WWOX: variants seen among roughly 807,000 people sequenced by gnomAD.
The protein encoded by WWOX is WW domain-containing oxidoreductase.
In WWOX, 69 loss-of-function variants were observed where a neutral mutation model predicts 46.2. The ratio of observed to expected loss-of-function variants is 1.49; its 90% CI spans 1.23 to 1.82. WWOX has a LOEUF of 1.82. Ranked by LOEUF, WWOX falls within the 40% of genes most tolerant of loss-of-function variation. The pLI, the probability that WWOX is intolerant of heterozygous loss-of-function variation, is 0.00. For missense variants in WWOX, 919 were observed against 542.6 expected (o/e 1.69, Z -6.89); for synonymous variants, 359 against 202.6 (o/e 1.77, Z -6.56).
At position 78,493,302 on chromosome 16, in the gene WWOX, G is replaced by A. The variant is rs184090473; in HGVS notation, c.1056+60550G>A. On this transcript the variant is annotated intron_variant, in intron 8 of 8. Coordinates refer to ENST00000566780, the MANE Select transcript of WWOX (RefSeq NM_016373.4). ...TAAGAATCTTTATTTAAGACAGGTG[G>A]CTAGCATTATTTGGGTCCAGAAGCT... is the stretch of plus-strand genomic sequence containing the variant. 1.6e-3 allele frequency among the ~76,000 whole-genome samples: 246 copies of A among 152,272 alleles called. 1 individual carries two copies. The highest frequency in any genetic ancestry group is 0.01 in the Admixed American group (155 of 15,298).
chr16:78,950,992 C>T (rs532124644), intron 8 of WWOX, among the ~76,000 whole-genome samples: 2 of 152,320 alleles, frequency 1.3e-5, no homozygotes, highest in Non-Finnish European at 2.9e-5. Context: ...TCTCTTAATT[C>T]ACCACCCTGT....
At chr16:78,872,060 T>C (rs369864910) in intron 8 of WWOX, among the ~76,000 whole-genome samples, 1 of 152,234 alleles carries the variant, frequency 6.6e-6, no homozygotes, top group African/African-American at 2.4e-5. Context: ...TCAACCCTTC[T>C]AACCAGTGTT....
At chr16:78,242,841 C>T (rs765953774) in intron 5 of WWOX, among the ~76,000 whole-genome samples, 1 of 152,138 alleles carries the variant, frequency 6.6e-6, no homozygotes, top group African/African-American at 2.4e-5. Flanking sequence ...AACCCTATCT[C>T]TACTAAAAAT....
At chr16:78,988,865 G>A (rs1023286986) in intron 8 of WWOX, among the ~76,000 whole-genome samples, 3 of 152,146 alleles carry the variant, frequency 2.0e-5, no homozygotes, top group Non-Finnish European at 2.9e-5. Flanking sequence ...AGCCCCAATC[G>A]ATCAGTGGAG....
chr16:78,949,362 A>G (rs138030563), intron 8 of WWOX, among the ~76,000 whole-genome samples: 73 of 152,204 alleles, frequency 4.8e-4, no homozygotes, highest in African/African-American at 1.6e-3. Context: ...AATCTGATAC[A>G]CTGTCATGGG....
At chr16:78,939,779 AAATTCCAC>A (rs2151290950) in intron 8 of WWOX, among the ~76,000 whole-genome samples, 1 of 152,332 alleles carries the variant, frequency 6.6e-6, no homozygotes, top group South Asian at 2.1e-4. Context: ...TCAGTTCTCC[AAATTCCAC>A]TTCCCCTTTT....
chr16:78,431,007 C>T (rs564170403), intron 7 of WWOX, among the ~76,000 whole-genome samples: 1 of 152,246 alleles, frequency 6.6e-6, no homozygotes, highest in Admixed American at 6.5e-5. Context: ...TTCTTCATTA[C>T]CCGGTGCCCA....
At chr16:78,369,687 C>G (rs183959044) in intron 5 of WWOX, among the ~76,000 whole-genome samples, 1 of 151,972 alleles carries the variant, frequency 6.6e-6, no homozygotes, top group Non-Finnish European at 1.5e-5. Flanking sequence ...AGGTCTCTCT[C>G]GGTGGGAGGA....
chr16:78,303,340 C>G (rs2151868510), intron 5 of WWOX, among the ~76,000 whole-genome samples: 1 of 152,180 alleles, frequency 6.6e-6, no homozygotes, highest in African/African-American at 2.4e-5. Context: ...AATCCCAGGC[C>G]TGATGCGCTT....
At position 78,539,791 on chromosome 16, in the gene WWOX, T is replaced by C. The variant is rs1008821745; in HGVS notation, c.1056+107039T>C. On this transcript the variant is annotated intron_variant, in intron 8 of 8. Coordinates refer to ENST00000566780, the MANE Select transcript of WWOX (RefSeq NM_016373.4). ...ATAGATAATCTAACACCAGCAATGA[T>C]GCCCAGAGCATTTATCTTTGATGCT... 5.3e-5 allele frequency among the ~76,000 whole-genome samples: 8 copies of C among 152,334 alleles called. No homozygotes were observed. In the East Asian group the frequency reaches 1.5e-3, roughly 29 times the overall value.
At chr16:78,317,946 G>A (rs962029166) in intron 5 of WWOX, among the ~76,000 whole-genome samples, 1 of 152,122 alleles carries the variant, frequency 6.6e-6, no homozygotes, top group Admixed American at 6.5e-5. Context: ...TTCTTTTTCA[G>A]CCTGGGTTTG....
At chr16:78,109,984 G>A (rs1013284015) in intron 3 of WWOX, 149 bp downstream of exon 3, 7 of 849,984 alleles carry the variant, frequency 8.2e-6, no homozygotes, top group South Asian at 6.1e-5. Context: ...TTTTAACATC[G>A]CTGGAACTTT....
chr16:78,580,521 C>T (rs1390232291), intron 8 of WWOX, among the ~76,000 whole-genome samples: 1 of 152,184 alleles, frequency 6.6e-6, no homozygotes, highest in African/African-American at 2.4e-5. Context: ...TAAGCAGTCC[C>T]ATCACGAACA....
intron 8 of WWOX, among the ~76,000 whole-genome samples, chr16:79,150,228 A>C (rs371995989): frequency 2.0e-5 from 3 of 152,188 alleles, no homozygotes; most frequent in East Asian, 3.9e-4. Context: ...AGATTCATGG[A>C]ACTGTCAAAG....
chr16:78,850,034 T>G (rs2052402350), intron 8 of WWOX, among the ~76,000 whole-genome samples: 1 of 151,754 alleles, frequency 6.6e-6, no homozygotes. Flanking sequence ...ACAATGCCAT[T>G]GCACTCCAGC....
chr16:78,996,067 C>A, intron 8 of WWOX: 1 of 342,830 alleles, frequency 2.9e-6, no homozygotes, highest in Non-Finnish European at 4.1e-6. Context: ...AAATCCAGAT[C>A]CAAAAAGTTA....
rs139933122 is a variant in WWOX, at chr16:79,211,884, C to G, written c.*88C>G. 828 of 1,582,174 alleles carry G rather than the reference C, an allele frequency of 5.2e-4. No individual in the cohort carries two copies. The highest frequency in any genetic ancestry group is 6.4e-4 in the Non-Finnish European group (746 of 1,166,530). On this transcript the variant is annotated 3_prime_UTR_variant, in exon 9 of 9. Transcript: ENST00000566780. Reference sequence around the variant, plus strand: ...AGGGCTGGGCCCCTTCCAAATGTCCCTCCAACACAGATCCGCAAGAGTAAA... The same window carrying G: ...AGGGCTGGGCCCCTTCCAAATGTCCGTCCAACACAGATCCGCAAGAGTAAA...
At chr16:78,813,351 A>C (rs2051244796) in intron 8 of WWOX, among the ~76,000 whole-genome samples, 1 of 152,122 alleles carries the variant, frequency 6.6e-6, no homozygotes, top group Admixed American at 6.6e-5. Flanking sequence ...TAAGTCCAAG[A>C]AGCCTGCTTT....
intron 8 of WWOX, among the ~76,000 whole-genome samples, chr16:78,524,099 G>C (rs1177520861): frequency 6.6e-6 from 1 of 152,170 alleles, no homozygotes; most frequent in East Asian, 1.9e-4. Context: ...AACATGAAGT[G>C]TGTTTTAGTC....
Sources: allele counts gnomAD v4.1 joint callset (sites outside exome capture counted in the v4.1 genomes callset), GRCh38; gene constraint gnomAD v4.1.1; transcripts MANE v1.5; gene names NCBI Gene and HGNC (gene_info 2026-07-23, HGNC 2026-07-21).